C8orf34: variants seen among roughly 807,000 people sequenced by gnomAD.
The protein encoded by C8orf34 is uncharacterized protein C8orf34.
A neutral mutation model predicts 68.3 loss-of-function variants in C8orf34; 65 were observed. The ratio of observed to expected loss-of-function variants is 0.95; its 90% CI spans 0.78 to 1.17. The LOEUF (loss-of-function observed/expected upper bound fraction) is 1.17. C8orf34 is among the 50% of genes most tolerant of loss of function. C8orf34 has a pLI of 0.00. For synonymous variants in C8orf34, 244 were observed against 241.2 expected, an observed-to-expected ratio of 1.01 and a Z score of -0.11; for missense variants, 664 against 655.4, an observed-to-expected ratio of 1.01 and a Z score of -0.14.
At chr8:68,539,623 A>C (rs1815625338) in intron 7 of C8orf34, among the ~76,000 whole-genome samples, 1 of 152,120 alleles carries the variant, frequency 6.6e-6, no homozygotes, top group Non-Finnish European at 1.5e-5. Context: ...AGGCCGAGGC[A>C]GGTGGATCAC....
At position 68,331,243 on chromosome 8, in the gene C8orf34, A is replaced by C; in HGVS notation, c.231A>C (p.Ala77=). Reference sequence around the variant, plus strand: ...GCGCACAGCCGCGCGTTCTCCCTGCACTCTCTTCGCGGTCCCATCTGTTCC... The same window carrying C: ...GCGCACAGCCGCGCGTTCTCCCTGCCCTCTCTTCGCGGTCCCATCTGTTCC... ...SGGAQPRVLP[A]LSSRSHLFPM... Residue 77 remains alanine (A), a synonymous_variant, in exon 1 of 14, where the codon GCA becomes GCC. Coordinates refer to ENST00000518698, the MANE Select transcript of C8orf34 (RefSeq NM_052958.4). 6.5e-7 allele frequency: 1 copy of C among 1,535,746 alleles called. No individual in the cohort carries two copies. Among genetic ancestry groups the C allele is most frequent in the Non-Finnish European group, 8.7e-7 (1 of 1,146,808 alleles).
intron 6 of C8orf34, among the ~76,000 whole-genome samples, chr8:68,524,611 T>C (rs1342954650): frequency 1.3e-5 from 2 of 152,232 alleles, no homozygotes; most frequent in African/African-American, 4.8e-5. Context: ...TGGGAAATGA[T>C]TGAAGTCTTT....
At chr8:68,709,390 C>G (rs1359571949) in intron 9 of C8orf34, among the ~76,000 whole-genome samples, 2 of 152,130 alleles carry the variant, frequency 1.3e-5, no homozygotes. Flanking sequence ...CTTTAGAAAC[C>G]CACATTGTCA....
At chr8:68,559,978 AG>A (rs1816372261) in intron 7 of C8orf34, among the ~76,000 whole-genome samples, 1 of 152,190 alleles carries the variant, frequency 6.6e-6, no homozygotes, top group African/African-American at 2.4e-5. Context: ...AGAACATGGA[AG>A]CATTCCTACT....
At chr8:68,348,857 A>G (rs764329603) in intron 1 of C8orf34, among the ~76,000 whole-genome samples, 73 of 152,022 alleles carry the variant, frequency 4.8e-4, no homozygotes, top group Non-Finnish European at 8.8e-4. Context: ...CAGTTGAAGG[A>G]GCTTTGGGGC....
intron 7 of C8orf34, among the ~76,000 whole-genome samples, chr8:68,639,977 G>A: frequency 6.6e-6 from 1 of 152,186 alleles, no homozygotes; most frequent in Non-Finnish European, 1.5e-5. Context: ...TGTGTGGTTG[G>A]TTCTGAGTTG....
chr8:68,534,184 T>G (rs1815368414), intron 7 of C8orf34: 1 of 985,278 alleles, frequency 1.0e-6, no homozygotes, highest in Non-Finnish European at 1.2e-6. Context: ...GGTGACAGGT[T>G]TGAAAGATGT....
In C8orf34 at chr8:68,776,422, A is replaced by G; in HGVS notation, c.1428A>G (p.Gly476=). The G allele has an allele frequency of 1.2e-6, 2 of 1,613,364 alleles. No individual in the cohort carries two copies. The highest frequency in any genetic ancestry group is 1.7e-6 in the Non-Finnish European group (2 of 1,179,468). Residue 476 remains glycine, a synonymous_variant, in exon 11 of 14, where the codon GGA becomes GGG. Coordinates refer to ENST00000518698, the MANE Select transcript of C8orf34 (RefSeq NM_052958.4). The part of the protein sequence containing the change: ...TGPGEASSGV[G]HSLKNYMEED... Reference sequence around the variant, plus strand: ...AGGGAGAAGCCTCCAGTGGAGTAGGACACTCACTGAAAAACTACATGGAAG... The same window carrying G: ...AGGGAGAAGCCTCCAGTGGAGTAGGGCACTCACTGAAAAACTACATGGAAG...
At chr8:68,563,016 C>A (rs1489511180) in intron 7 of C8orf34, among the ~76,000 whole-genome samples, 1 of 152,166 alleles carries the variant, frequency 6.6e-6, no homozygotes, top group Non-Finnish European at 1.5e-5. Context: ...AAACACACAT[C>A]TAAATGGCAC....
chr8:68,770,135 C>G (rs535259480), intron 10 of C8orf34, among the ~76,000 whole-genome samples: 63 of 152,250 alleles, frequency 4.1e-4, no homozygotes, highest in Admixed American at 2.3e-3. Context: ...ATAATAATAC[C>G]ATACTTTCCA....
chr8:68,630,363 A>G (rs961077705), intron 7 of C8orf34, among the ~76,000 whole-genome samples: 11 of 152,066 alleles, frequency 7.2e-5, no homozygotes, highest in Admixed American at 6.6e-5. Context: ...TATTTGTATT[A>G]TTTCTTTGAA....
intron 7 of C8orf34, among the ~76,000 whole-genome samples, chr8:68,537,844 A>G (rs1815542686): frequency 6.6e-6 from 1 of 152,096 alleles, no homozygotes; most frequent in Non-Finnish European, 1.5e-5. Context: ...CGTAGAGATT[A>G]TCCTTTAAAT....
intron 6 of C8orf34, chr8:68,526,051 C>A (rs1814971678): frequency 1.2e-5 from 2 of 173,282 alleles, no homozygotes; most frequent in Non-Finnish European, 2.4e-5. Flanking sequence ...CTCTCCCTCC[C>A]AGTTCAAGTG....
intron 5 of C8orf34, among the ~76,000 whole-genome samples, chr8:68,505,345 T>G (rs1813961600): frequency 1.3e-5 from 2 of 152,224 alleles, no homozygotes; most frequent in South Asian, 4.1e-4. Context: ...TATCATTCTT[T>G]CATTCACTCA....
At chr8:68,529,708 T>C (rs1015656105) in intron 6 of C8orf34, among the ~76,000 whole-genome samples, 3 of 152,218 alleles carry the variant, frequency 2.0e-5, no homozygotes, top group Non-Finnish European at 4.4e-5. Flanking sequence ...AAGCTTACAA[T>C]TGGTTAGATA....
chr8:68,602,785 A>ACCATTTC (rs1554583885), intron 7 of C8orf34, among the ~76,000 whole-genome samples: 16 of 152,120 alleles, frequency 1.1e-4, no homozygotes, highest in African/African-American at 3.9e-4. Context: ...GAAATGGAAG[A>ACCATTTC]CCATTTCCCC....
intron 1 of C8orf34, among the ~76,000 whole-genome samples, chr8:68,361,025 G>T (rs1015569629): frequency 5.1e-4 from 77 of 152,090 alleles, no homozygotes; most frequent in African/African-American, 1.8e-3. Flanking sequence ...AAAGTGCTGG[G>T]ATTACAGGTG....
chr8:68,754,531 C>T (rs1822797348), intron 10 of C8orf34, among the ~76,000 whole-genome samples: 1 of 152,180 alleles, frequency 6.6e-6, no homozygotes, highest in African/African-American at 2.4e-5. Context: ...AAACTGAACC[C>T]ATCCAAATTT....
chr8:68,562,116 C>A (rs1253091563), intron 7 of C8orf34, among the ~76,000 whole-genome samples: 1 of 152,152 alleles, frequency 6.6e-6, no homozygotes, highest in Non-Finnish European at 1.5e-5. Flanking sequence ...AACTTTTATA[C>A]AATTGGCAAT....
Sources: gnomAD v4.1 joint callset for allele counts (sites outside exome capture counted in the v4.1 genomes callset) on GRCh38, gnomAD v4.1.1 for gene constraint, MANE v1.5 for transcripts, NCBI Gene and HGNC (gene_info 2026-07-23, HGNC 2026-07-21) for gene names.